COL22A1: variants seen among roughly 807,000 people sequenced by gnomAD.
COL22A1 encodes the protein collagen type XXII alpha 1 chain.
A neutral mutation model predicts 248.9 loss-of-function variants in COL22A1; 221 were observed. That is an observed-to-expected ratio of 0.89 (90% CI 0.80 to 0.99). The LOEUF (loss-of-function observed/expected upper bound fraction) is 0.99. COL22A1 is among the 50% of genes least tolerant of loss of function. The probability of loss-of-function intolerance (pLI) is 0.00; values close to 1 mark genes in which losing one functional copy is unlikely to be tolerated. For missense variants in COL22A1, 2,240 were observed against 2,179.0 expected, an observed-to-expected ratio of 1.03 and a Z score of -0.56; for synonymous variants, 891 against 793.4, an observed-to-expected ratio of 1.12 and a Z score of -2.07.
At chr8:138,831,757 C>T (rs1820062892) in intron 5 of COL22A1, among the ~76,000 whole-genome samples, 1 of 150,130 alleles carries the variant, frequency 6.7e-6, no homozygotes, top group Non-Finnish European at 1.5e-5. Flanking sequence ...CCTTCCTCTT[C>T]CTGGCCTTTT....
intron 2 of COL22A1, 43 bp from the exon 3 acceptor site, chr8:138,878,359 G>C: frequency 6.9e-7 from 1 of 1,442,182 alleles, no homozygotes. Context: ...AAATGGGCAT[G>C]GAAAGGACAC....
chr8:138,690,797 G>A (rs369691024), intron 36 of COL22A1, 24 bp downstream of exon 36: 62 of 1,595,212 alleles, frequency 3.9e-5, no homozygotes, highest in Admixed American at 6.8e-5. Context: ...TGGGCCGTGC[G>A]TATGCCCTCT....
intron 50 of COL22A1, among the ~76,000 whole-genome samples, chr8:138,628,825 GC>G (rs1311162655): frequency 6.7e-6 from 1 of 150,034 alleles, no homozygotes; most frequent in Non-Finnish European, 1.5e-5. Flanking sequence ...GAGTGCGGTG[GC>G]GCAATCTCGG....
chr8:138,913,363 G>A (rs1297408503), intron 1 of COL22A1, among the ~76,000 whole-genome samples: 2 of 152,128 alleles, frequency 1.3e-5, no homozygotes, highest in African/African-American at 4.8e-5. Context: ...AAACAGGTGT[G>A]TTCTCACGGA....
chr8:138,894,319 T>C lies in COL22A1; in HGVS notation c.-72-11075A>G, dbSNP rs565898231. On this transcript the variant is annotated intron_variant, in intron 1 of 64. Transcript: ENST00000303045. ...TGGATTAGAGAGACCAATGAGGAGT[T>C]CTAGTGCAACAATTCAAACAGAAAT... Among the ~76,000 whole-genome samples the C allele has an allele frequency of 3.9e-5, 6 of 152,196 alleles. No individual in the cohort carries two copies. In the East Asian group the frequency reaches 1.2e-3, roughly 29 times the overall value.
intron 22 of COL22A1, among the ~76,000 whole-genome samples, chr8:138,739,956 C>T (rs1831423673): frequency 6.6e-6 from 1 of 152,186 alleles, no homozygotes; most frequent in African/African-American, 2.4e-5. Flanking sequence ...TCACAGATAC[C>T]TTCAGAAGAC....
chr8:138,903,322 C>T (rs1814757983), intron 1 of COL22A1, among the ~76,000 whole-genome samples: 1 of 152,198 alleles, frequency 6.6e-6, no homozygotes, highest in African/African-American at 2.4e-5. Context: ...TCACCAACGG[C>T]TTCCTGAAGG....
At chr8:138,844,804 G>T (rs1377398245) in intron 3 of COL22A1, among the ~76,000 whole-genome samples, 3 of 152,020 alleles carry the variant, frequency 2.0e-5, no homozygotes, top group African/African-American at 4.8e-5. Flanking sequence ...CAAAAAATTA[G>T]CCGGGCGTGG....
intron 56 of COL22A1, among the ~76,000 whole-genome samples, chr8:138,613,206 C>T (rs1464451488): frequency 1.3e-5 from 2 of 150,874 alleles, no homozygotes; most frequent in African/African-American, 4.9e-5. Flanking sequence ...GGAGATCACG[C>T]CAGTGCACTG....
intron 47 of COL22A1, among the ~76,000 whole-genome samples, chr8:138,645,512 G>C (rs569754150): frequency 6.6e-6 from 1 of 152,154 alleles, no homozygotes; most frequent in Admixed American, 6.5e-5. Context: ...CAACCAAGGA[G>C]ACAACAACTG....
intron 12 of COL22A1, among the ~76,000 whole-genome samples, chr8:138,792,317 C>T (rs1816131521): frequency 1.3e-5 from 2 of 152,206 alleles, no homozygotes; most frequent in South Asian, 4.1e-4. Context: ...TTAATAATAG[C>T]TACTGTTCAT....
rs762002714 is a variant in COL22A1 at position 138,821,274 on chromosome 8, C to G, written c.1107G>C (p.Leu369=). The G allele has an allele frequency of 2.5e-6, 4 of 1,614,080 alleles. No individual in the cohort carries two copies. In the African/African-American group the frequency reaches 5.3e-5, roughly 22 times the overall value. The part of the protein sequence containing the change: ...LFDRDWHKMA[L]SIQAQNVSLH... ...GGGAGACGTTCTGGGCCTGGATGCTCAGGGCCATCTTGTGCCAGTCCCGGT... is the reference window on the plus strand; with the variant it reads ...GGGAGACGTTCTGGGCCTGGATGCTGAGGGCCATCTTGTGCCAGTCCCGGT... The change falls in exon 7 of 65, where the codon CTG becomes CTC. Residue 369 remains leucine (L), a synonymous_variant. Transcript: ENST00000303045.
chr8:138,769,155 G>A (rs1834151670), intron 16 of COL22A1, among the ~76,000 whole-genome samples: 1 of 152,078 alleles, frequency 6.6e-6, no homozygotes, highest in African/African-American at 2.4e-5. Flanking sequence ...GAGTTTAAGA[G>A]TCAAGGCCTG....
chr8:138,883,301 C>T (rs1824383713), intron 1 of COL22A1, 57 bp from the exon 2 acceptor site: 4 of 954,862 alleles, frequency 4.2e-6, no homozygotes, highest in Admixed American at 2.5e-5. Flanking sequence ...CTGTGAGAGG[C>T]AAACTCTGGG....
chr8:138,692,446 GGTGT>G (rs1214558724), intron 35 of COL22A1, among the ~76,000 whole-genome samples: 19 of 145,680 alleles, frequency 1.3e-4, no homozygotes, highest in East Asian at 6.3e-4. Context: ...TGTGTGTGGA[GGTGT>G]GTGTGTGAGT....
In COL22A1 at chr8:138,807,797, C is replaced by A. The variant is rs1817853188; in HGVS notation, c.1465G>T (p.Ala489Ser). Residue 489 changes from alanine to serine, a missense_variant, in exon 10 of 65, where the codon GCT (alanine) becomes TCT (serine). Coordinates refer to ENST00000303045, the MANE Select transcript of COL22A1 (RefSeq NM_152888.3). ...PAGEKGEMGVAGPMGLPGPKG... is the reference protein window; with the variant it reads ...PAGEKGEMGVSGPMGLPGPKG... ...GGACCAGGGAGCCCCATGGGGCCAG[C>A]AACTCCCATTTCACCCTAAAAGAAG... is the stretch of plus-strand genomic sequence containing the variant. The A allele has an allele frequency of 6.2e-7, 1 of 1,613,988 alleles. No individual in the cohort carries two copies. Among genetic ancestry groups the A allele is most frequent in the African/African-American group, 1.3e-5 (1 of 75,022 alleles).
intron 12 of COL22A1, among the ~76,000 whole-genome samples, chr8:138,782,192 G>A (rs919499306): frequency 1.3e-5 from 2 of 152,214 alleles, no homozygotes; most frequent in Non-Finnish European, 2.9e-5. Flanking sequence ...ACAGACATGA[G>A]TCCATCTCAG....
intron 15 of COL22A1, 146 bp from the exon 16 acceptor site, chr8:138,776,156 A>G: frequency 1.3e-6 from 1 of 754,210 alleles, no homozygotes; most frequent in South Asian, 1.7e-5. Flanking sequence ...CTCCCTGTGT[A>G]GTCTAAGGCC....
intron 62 of COL22A1, among the ~76,000 whole-genome samples, chr8:138,595,970 G>T (rs914415644): frequency 6.6e-6 from 1 of 152,220 alleles, no homozygotes; most frequent in Admixed American, 6.5e-5. Flanking sequence ...AGAACCTTCA[G>T]TGAGGCTGCC....
Sources: allele counts gnomAD v4.1 joint callset (sites outside exome capture counted in the v4.1 genomes callset), GRCh38; gene constraint gnomAD v4.1.1; transcripts MANE v1.5; gene names NCBI Gene and HGNC (gene_info 2026-07-23, HGNC 2026-07-21).